AFF3: variants seen among roughly 807,000 people sequenced by gnomAD.
AFF3 encodes AF4/FMR2 family member 3.
Under a neutral mutation model 129.7 loss-of-function variants are expected in AFF3, and 32 were observed. The ratio of observed to expected loss-of-function variants is 0.25; its 90% confidence interval spans 0.19 to 0.33. The LOEUF is 0.33. AFF3 is among the 10% of genes least tolerant of loss of function. The probability of loss-of-function intolerance (pLI) is 1.00; values close to 1 mark genes in which losing one functional copy is unlikely to be tolerated. For synonymous variants in AFF3, 644 were observed against 635.4 expected, an observed-to-expected ratio of 1.01 and a Z score of -0.20; for missense variants, 1,373 against 1,592.0, an observed-to-expected ratio of 0.86 and a Z score of 2.34.
intron 2 of AFF3, chr2:100,106,703 A>G: frequency 1.0e-6 from 1 of 985,938 alleles, no homozygotes; most frequent in Non-Finnish European, 1.2e-6. Context: ...CCCGGCCCTC[A>G]CCGGGATCTG....
intron 8 of AFF3, among the ~76,000 whole-genome samples, chr2:99,829,328 C>CGATA (rs1343895145): frequency 1.3e-5 from 2 of 152,106 alleles, no homozygotes; most frequent in Non-Finnish European, 2.9e-5. Context: ...GCAAAAGAAA[C>CGATA]TATCATCAGA....
At chr2:99,705,742 C>T (rs1164350304) in intron 11 of AFF3, among the ~76,000 whole-genome samples, 2 of 151,646 alleles carry the variant, frequency 1.3e-5, no homozygotes, top group African/African-American at 4.8e-5. Flanking sequence ...GGCATGGTGA[C>T]GGGCACCTGT....
intron 18 of AFF3, among the ~76,000 whole-genome samples, chr2:99,570,943 C>A (rs1676423343): frequency 6.6e-6 from 1 of 152,240 alleles, no homozygotes; most frequent in Non-Finnish European, 1.5e-5. Flanking sequence ...GTCCATGTTC[C>A]CCTCTGTCCT....
intron 20 of AFF3, among the ~76,000 whole-genome samples, chr2:99,564,714 T>A (rs1022126832): frequency 6.6e-6 from 1 of 152,170 alleles, no homozygotes; most frequent in Non-Finnish European, 1.5e-5. Context: ...TTGGACATGG[T>A]GGAAAATGTC....
At position 99,601,545 on chromosome 2, in the gene AFF3, T is replaced by C; in HGVS notation, c.1261A>G (p.Ser421Gly). The C allele has an allele frequency of 1.2e-6, 2 of 1,602,788 alleles. No homozygotes were observed. Among genetic ancestry groups the C allele is most frequent in the African/African-American group, 1.3e-5 (1 of 74,986 alleles). ...KGSSSSSSSG[S>G]SSSSSDSESS... ...TCTGAGTCGCTGGAGGAGCTGCTGCTGCCGCTGCTGCTGCTGCTGCTGCTG... is the reference window on the plus strand; with the variant it reads ...TCTGAGTCGCTGGAGGAGCTGCTGCCGCCGCTGCTGCTGCTGCTGCTGCTG... The change falls in exon 14 of 25, where the codon AGC becomes GGC. Residue 421 changes from serine to glycine, a missense_variant. Ser to Gly is a moderately conservative substitution (Grantham distance 56). Transcript: ENST00000672756.
intron 11 of AFF3, among the ~76,000 whole-genome samples, chr2:99,688,576 G>A (rs1299761421): frequency 6.6e-6 from 1 of 152,108 alleles, no homozygotes; most frequent in Non-Finnish European, 1.5e-5. Context: ...CCTTCATTGA[G>A]CTGTTCTTGT....
chr2:100,103,057 C>A (rs1228359629), intron 4 of AFF3, among the ~76,000 whole-genome samples: 6 of 151,690 alleles, frequency 4.0e-5, no homozygotes, highest in Non-Finnish European at 7.4e-5. Context: ...TTATGCAGAG[C>A]AAGCTGTACT....
At chr2:99,827,534 G>C (rs1688182826) in intron 8 of AFF3, among the ~76,000 whole-genome samples, 1 of 152,038 alleles carries the variant, frequency 6.6e-6, no homozygotes, top group Non-Finnish European at 1.5e-5. Flanking sequence ...GGTGGTGGGA[G>C]AGATGGCAGT....
intron 8 of AFF3, among the ~76,000 whole-genome samples, chr2:99,761,694 G>C (rs1487344557): frequency 6.6e-6 from 1 of 152,194 alleles, no homozygotes; most frequent in Non-Finnish European, 1.5e-5. Context: ...GGTTCAACTA[G>C]AAAAAATTTA....
At chr2:100,133,068 C>T (rs1692490146) in intron 1 of AFF3, among the ~76,000 whole-genome samples, 1 of 151,758 alleles carries the variant, frequency 6.6e-6, no homozygotes, top group South Asian at 2.1e-4. Flanking sequence ...GCTGGGATTA[C>T]AGGCATGCAC....
chr2:99,720,591 T>C (rs537762051), intron 11 of AFF3, among the ~76,000 whole-genome samples: 5 of 152,302 alleles, frequency 3.3e-5, no homozygotes, highest in South Asian at 2.1e-4. Flanking sequence ...TATTCTGTAA[T>C]AGCAACACTA....
intron 7 of AFF3, among the ~76,000 whole-genome samples, chr2:99,850,634 T>A (rs953043535): frequency 2.4e-4 from 37 of 152,270 alleles, no homozygotes; most frequent in African/African-American, 8.2e-4. Flanking sequence ...CTTATTAACC[T>A]ACACTTCTAA....
Position 100,104,798 on chromosome 2 carries a change from A to AGCCGCC in AFF3, c.-64-286_-64-281dup, listed in dbSNP as rs1161664536. The AGCCGCC allele has an allele frequency of 6.2e-3, 3,807 of 616,378 alleles. 173 individuals are homozygous for AGCCGCC. In the African/African-American group the frequency reaches 0.083, roughly 13 times the overall value. The allele number at this position is 616,378 out of a possible 1,614,324, so 38.2% of individuals were successfully genotyped here. A position where few individuals can be genotyped will look rare whatever the true frequency, so the allele number is the denominator to read the frequency against. ...TCGCGGCGGCCCGGCCCGCTGCTGC[A>AGCCGCC]GCCGCCGCCGCCGCCGCCGCCGCCG... On this transcript the variant is annotated intron_variant, in intron 3 of 24. Coordinates refer to ENST00000672756, the MANE Select transcript of AFF3 (RefSeq NM_001386135.1).
chr2:100,079,652 C>G (rs1306155871), intron 4 of AFF3, among the ~76,000 whole-genome samples: 3 of 152,088 alleles, frequency 2.0e-5, no homozygotes, highest in African/African-American at 7.2e-5. Context: ...TCTTGTGGCC[C>G]CCCAACAGAA....
chr2:99,817,740 G>A (rs1052879861), intron 8 of AFF3, among the ~76,000 whole-genome samples: 1 of 152,134 alleles, frequency 6.6e-6, no homozygotes, highest in Admixed American at 6.5e-5. Flanking sequence ...TAATCTCTGA[G>A]CTAAACAACT....
In AFF3 at chr2:99,730,592, C is replaced by A. The variant is rs147256018; in HGVS notation, c.1040-3464G>T. Among the ~76,000 whole-genome samples, 77 of 151,010 alleles carry A rather than the reference C, an allele frequency of 5.1e-4. 3 individuals carry two copies. The East Asian group carries it at 0.014, about 27-fold the overall frequency. On this transcript the variant is annotated intron_variant, in intron 10 of 24. Transcript: ENST00000672756. ...GTGCAGTGGTGCACTCTCTTCACTG[C>A]AACCTCTGCCTCCTGGGTTCAAAGC...
chr2:100,104,866 G>T, intron 3 of AFF3: 2 of 434,660 alleles, frequency 4.6e-6, no homozygotes, highest in South Asian at 9.0e-5. Flanking sequence ...TCCTCCGGGA[G>T]GCGCGTGTGC....
At chr2:99,945,897 G>C (rs1027285005) in intron 7 of AFF3, among the ~76,000 whole-genome samples, 1 of 152,214 alleles carries the variant, frequency 6.6e-6, no homozygotes, top group Non-Finnish European at 1.5e-5. Flanking sequence ...ATGTGACAGA[G>C]AGATCCAGCA....
intron 7 of AFF3, among the ~76,000 whole-genome samples, chr2:99,905,947 C>T (rs911297511): frequency 5.3e-5 from 8 of 152,052 alleles, no homozygotes; most frequent in East Asian, 3.9e-4. Context: ...TTGATAAATA[C>T]GCTGATAATC....
Sources: gnomAD v4.1 joint callset for allele counts (sites outside exome capture counted in the v4.1 genomes callset) on GRCh38, gnomAD v4.1.1 for gene constraint, MANE v1.5 for transcripts, NCBI Gene and HGNC (gene_info 2026-07-23, HGNC 2026-07-21) for gene names.